ZNF518A: variants seen among roughly 807,000 people sequenced by gnomAD.
The protein encoded by ZNF518A is zinc finger protein 518.
A neutral mutation model predicts 102.7 loss-of-function variants in ZNF518A; 47 were observed. The ratio of observed to expected loss-of-function variants is 0.46; its 90% CI spans 0.36 to 0.58. The LOEUF (loss-of-function observed/expected upper bound fraction) is 0.58, where lower values mean the gene tolerates loss of function less well. Ranked by LOEUF, ZNF518A falls within the 20% of genes least tolerant of loss-of-function variation. The pLI is 0.00. For synonymous variants in ZNF518A, 652 were observed against 594.6 expected (o/e 1.10, Z -1.40); for missense variants, 1,793 against 1,699.8 (o/e 1.05, Z -0.96).
chr10:96,177,132 C>T (rs2083210080), intron 1 of ZNF518A, among the ~76,000 whole-genome samples: 1 of 148,152 alleles, frequency 6.7e-6, no homozygotes, highest in Non-Finnish European at 1.5e-5. Flanking sequence ...AAAAATTTAA[C>T]AGAAGCCAGA....
At chr10:96,195,176 G>A (rs1332253006) in intron 1 of ZNF518A, among the ~76,000 whole-genome samples, 1 of 152,190 alleles carries the variant, frequency 6.6e-6, no homozygotes, top group Non-Finnish European at 1.5e-5. Context: ...TGCTGGTGGG[G>A]ATGTGAAGAA....
rs1564783745 is a variant in ZNF518A at position 96,159,516 on chromosome 10, C to G, written c.3194C>G (p.Pro1065Arg). ...AGTTCTGTGAAAGCTGTTCTTATTC[C>G]TAACATGCTATCTGAGCAACAGAGC... ...PTSSVKAVLIPNMLSEQQSTK... is the reference protein window; with the variant it reads ...PTSSVKAVLIRNMLSEQQSTK... Residue 1065 changes from proline (P) to arginine (R), a missense_variant, in exon 6 of 6, where the codon CCT becomes CGT. Pro to Arg is a moderately radical substitution (Grantham distance 103). Coordinates refer to ENST00000316045, the MANE Select transcript of ZNF518A (RefSeq NM_001330736.2). The G allele has an allele frequency of 2.5e-6, 4 of 1,613,794 alleles. No homozygotes were observed. The highest frequency in any genetic ancestry group is 1.7e-4 in the Middle Eastern group (1 of 6,060).
downstream of ZNF518A, among the ~76,000 whole-genome samples, chr10:96,168,498 TA>T (rs2083155910): frequency 6.6e-6 from 1 of 152,166 alleles, no homozygotes; most frequent in South Asian, 2.1e-4. Context: ...ATTTTAGCTT[TA>T]TACTCCCTTT....
rs587738428 is a variant in ZNF518A at position 96,153,532 on chromosome 10, C to T, written c.-301-1794C>T. On this transcript the variant is annotated intron_variant, in intron 3 of 5. Transcript: ENST00000316045. ...AACAAACCCCAAACTACCTAAAATACAAACTCCTCTAATGTCATATTGTAT... is the reference window on the plus strand; with the variant it reads ...AACAAACCCCAAACTACCTAAAATATAAACTCCTCTAATGTCATATTGTAT... Among the ~76,000 whole-genome samples the T allele has an allele frequency of 8.0e-4, 122 of 152,286 alleles. 1 individual carries two copies. Among genetic ancestry groups the T allele is most frequent in the African/African-American group, 2.7e-3 (112 of 41,564 alleles).
chr10:96,196,346 G>A (rs2083464768), intron 1 of ZNF518A, among the ~76,000 whole-genome samples: 1 of 152,178 alleles, frequency 6.6e-6, no homozygotes, highest in Non-Finnish European at 1.5e-5. Context: ...CTGAGATATG[G>A]TAAGCACTGA....
At chr10:96,155,113 T>C (rs1554881739) in intron 3 of ZNF518A, among the ~76,000 whole-genome samples, 1 of 152,188 alleles carries the variant, frequency 6.6e-6, no homozygotes, top group Non-Finnish European at 1.5e-5. Context: ...TAATACAGTT[T>C]GATATATTAA....
intron 1 of ZNF518A, chr10:96,189,541 G>T: frequency 1.5e-6 from 1 of 655,788 alleles, no homozygotes; most frequent in Non-Finnish European, 2.8e-6. Flanking sequence ...GGTGTTTTAC[G>T]AGTTTTTTCC....
intron 1 of ZNF518A, among the ~76,000 whole-genome samples, chr10:96,183,892 C>A (rs184673596): frequency 7.9e-5 from 12 of 152,272 alleles, no homozygotes; most frequent in Admixed American, 3.9e-4. Context: ...TCTCGTTGAT[C>A]TGTCTAATAT....
At chr10:96,147,489 G>T (rs1554878919) in intron 3 of ZNF518A, among the ~76,000 whole-genome samples, 2 of 152,054 alleles carry the variant, frequency 1.3e-5, no homozygotes, top group Non-Finnish European at 2.9e-5. Flanking sequence ...CATTTTGCTG[G>T]AGTATATCTT....
chr10:96,169,925 A>G (rs587633739), intron 1 of ZNF518A, among the ~76,000 whole-genome samples: 128 of 152,304 alleles, frequency 8.4e-4, no homozygotes, highest in African/African-American at 2.9e-3. Flanking sequence ...TGTGAGTTTA[A>G]TGGTCAGCTA....
At chr10:96,149,363 G>A (rs1358331538) in intron 3 of ZNF518A, among the ~76,000 whole-genome samples, 1 of 152,162 alleles carries the variant, frequency 6.6e-6, no homozygotes, top group East Asian at 1.9e-4. Flanking sequence ...AATCCTCTTG[G>A]TTTTGGCATA....
Position 96,130,378 on chromosome 10 carries a change from T to C in ZNF518A, c.-827T>C, listed in dbSNP as rs1482666781. 6.6e-6 allele frequency among the ~76,000 whole-genome samples: 1 copy of C among 152,240 alleles called. No homozygotes were observed. Among genetic ancestry groups the C allele is most frequent in the African/African-American group, 2.4e-5 (1 of 41,474 alleles). On this transcript the variant is annotated 5_prime_UTR_variant, in exon 1 of 6. Coordinates refer to ENST00000316045, the MANE Select transcript of ZNF518A (RefSeq NM_001330736.2). The stretch of plus-strand genomic sequence containing the variant: ...CGACTGCTAGAGCTTACCCTTACTT[T>C]CTTAACCTGGGGTTGTTTTACTTCC...
rs187295562 is a variant in ZNF518A at position 96,201,651 on chromosome 10, T to C, written n.36-1923T>C. On this transcript the variant is annotated intron_variant and non_coding_transcript_variant, in intron 1 of 2. Coordinates refer to the ZNF518A transcript ENST00000442635. ...AAAGTGGTTCTGAGACCAAAATGTC[T>C]GAGAATTGCTGACTTCAGGCATCAA... 1.2e-4 allele frequency among the ~76,000 whole-genome samples: 18 copies of C among 152,334 alleles called. No homozygotes were observed. The East Asian group carries it at 1.3e-3, about 11-fold the overall frequency.
intron 1 of ZNF518A, chr10:96,199,509 T>C (rs1554895530): frequency 4.3e-6 from 2 of 461,658 alleles, no homozygotes; most frequent in African/African-American, 2.0e-5. Flanking sequence ...TCCCACTGTT[T>C]GGAGGGCAGT....
intron 1 of ZNF518A, among the ~76,000 whole-genome samples, chr10:96,174,669 C>A (rs1481460507): frequency 6.6e-6 from 1 of 151,834 alleles, no homozygotes; most frequent in Non-Finnish European, 1.5e-5. Context: ...AATGATACCA[C>A]AAAAATTGTA....
intron 3 of ZNF518A, among the ~76,000 whole-genome samples, chr10:96,150,942 G>A (rs1317685144): frequency 1.3e-5 from 2 of 151,242 alleles, no homozygotes; most frequent in African/African-American, 2.4e-5. Context: ...TAGTAGAGAC[G>A]GGGTTTCACC....
At chr10:96,187,057 A>G (rs1554892671) in intron 1 of ZNF518A, among the ~76,000 whole-genome samples, 3 of 152,252 alleles carry the variant, frequency 2.0e-5, no homozygotes, top group African/African-American at 7.2e-5. Context: ...CCTCAGGCCA[A>G]AGACCCACAG....
chr10:96,172,573 TATA>T (rs2083180077), intron 1 of ZNF518A, among the ~76,000 whole-genome samples: 2 of 152,030 alleles, frequency 1.3e-5, no homozygotes, highest in South Asian at 4.1e-4. Context: ...AACAGAGCCA[TATA>T]GTAGTAAAGT....
intron 1 of ZNF518A, 197 bp downstream of exon 1, chr10:96,130,949 C>G (rs2081304559): frequency 6.6e-6 from 1 of 152,148 alleles, no homozygotes; most frequent in South Asian, 2.1e-4. Flanking sequence ...AATGTTTTAA[C>G]TCTTAAGTGG....
Sources: gnomAD v4.1 joint callset for allele counts (sites outside exome capture counted in the v4.1 genomes callset) on GRCh38, gnomAD v4.1.1 for gene constraint, MANE v1.5 for transcripts, NCBI Gene and HGNC (gene_info 2026-07-23, HGNC 2026-07-21) for gene names.